UBA7: variants seen among roughly 807,000 people sequenced by gnomAD.
UBA7 encodes the protein ubiquitin like modifier activating enzyme 7.
In UBA7, 88 loss-of-function variants were observed where a neutral mutation model predicts 113.0. That is an observed-to-expected ratio of 0.78 (90% CI 0.66 to 0.93). The LOEUF is 0.93. Ranked by LOEUF, UBA7 falls within the 40% of genes least tolerant of loss-of-function variation. UBA7 has a pLI of 0.00. For synonymous variants in UBA7, 459 were observed against 513.0 expected, an observed-to-expected ratio of 0.89 and a Z score of 1.42; for missense variants, 1,092 against 1,266.4, an observed-to-expected ratio of 0.86 and a Z score of 2.09.
At position 49,810,966 on chromosome 3, in the gene UBA7, C is replaced by T. The variant is rs374270448; in HGVS notation, c.1230+18G>A. The T allele has an allele frequency of 1.2e-6, 2 of 1,613,580 alleles. No homozygotes were observed. Among genetic ancestry groups the T allele is most frequent in the African/African-American group, 2.7e-5 (2 of 74,916 alleles). On this transcript the variant is annotated intron_variant, in intron 10 of 23. Coordinates refer to ENST00000333486, the MANE Select transcript of UBA7 (RefSeq NM_003335.3). This position sits in a 1 kb window ranked among gnomAD's most constrained non-coding sequence, Gnocchi z 5.6. ...CCTGATTTTGGACAAGGCTTGCACCCCTATCCCAGGCTCTCACCAGGGCAC... is the reference window on the plus strand; with the variant it reads ...CCTGATTTTGGACAAGGCTTGCACCTCTATCCCAGGCTCTCACCAGGGCAC...
intron 21 of UBA7, among the ~76,000 whole-genome samples, chr3:49,806,871 G>A (rs760209629): frequency 9.9e-5 from 15 of 152,112 alleles, no homozygotes; most frequent in Non-Finnish European, 1.9e-4. Context: ...AAGGCAGCCT[G>A]TATGCTGGTT....
At chr3:49,809,252 C>T (rs1263430519) in intron 17 of UBA7, 93 bp from the exon 18 acceptor site, 1 of 1,539,444 alleles carries the variant, frequency 6.5e-7, no homozygotes, top group East Asian at 2.3e-5. Flanking sequence ...CTGCCTTTGC[C>T]TCACATGTAG....
At chr3:49,806,623 C>T (rs1300139631) in intron 21 of UBA7, among the ~76,000 whole-genome samples, 2 of 152,102 alleles carry the variant, frequency 1.3e-5, no homozygotes, top group African/African-American at 4.8e-5. Context: ...GCCCCACTGT[C>T]CCAGAGACCC....
intron 18 of UBA7, 103 bp from the exon 19 acceptor site, chr3:49,808,571 T>C (rs147771273): frequency 5.7e-6 from 7 of 1,219,632 alleles, no homozygotes; most frequent in Non-Finnish European, 8.1e-6. Context: ...TGTCACTTAC[T>C]ATTCCCTGAT....
intron 2 of UBA7, 48 bp from the exon 3 acceptor site, chr3:49,813,431 C>T (rs750753594): frequency 2.5e-6 from 4 of 1,608,636 alleles, no homozygotes; most frequent in South Asian, 1.1e-5. Context: ...CCTCTTGGGC[C>T]GTGCCCCCAC....
chr3:49,805,425 C>A lies in UBA7; in HGVS notation c.2922G>T (p.Leu974=). 1 of 1,604,366 alleles carries A rather than the reference C, an allele frequency of 6.2e-7. No homozygotes were observed. The highest frequency in any genetic ancestry group is 2.2e-5 in the East Asian group (1 of 44,766). Residue 974 remains leucine (L), a synonymous_variant, in exon 24 of 24, where the codon CTG becomes CTT. Transcript: ENST00000333486. ...GTGCCTGGCCTGTCAGCTGCTGAACCAGTTCTGTCACCCTGGTAGGGGTGG... is the reference window on the plus strand; with the variant it reads ...GTGCCTGGCCTGTCAGCTGCTGAACAAGTTCTGTCACCCTGGTAGGGGTGG... ...AQHLPLRVTE[L]VQQLTGQAPA...
At chr3:49,808,224 A>G (rs770559063) in intron 19 of UBA7, 112 bp from the exon 20 acceptor site, 1 of 1,522,008 alleles carries the variant, frequency 6.6e-7, no homozygotes, top group Non-Finnish European at 9.1e-7. Flanking sequence ...GTTGCCCCAC[A>G]TCTCCTCTTG....
At position 49,807,298 on chromosome 3, in the gene UBA7, C is replaced by A. The variant is rs2081469791; in HGVS notation, c.2715+438G>T. Among the ~76,000 whole-genome samples the A allele has an allele frequency of 6.6e-6, 1 of 152,180 alleles. No individual in the cohort carries two copies. Among genetic ancestry groups the A allele is most frequent in the Non-Finnish European group, 1.5e-5 (1 of 68,032 alleles). ...CACAAATACACTCAGGGCTGCAGAC[C>A]CCACACCTCTAGTGGCAAGCCTATT... On this transcript the variant is annotated intron_variant, in intron 21 of 23. Coordinates refer to ENST00000333486, the MANE Select transcript of UBA7 (RefSeq NM_003335.3). This position sits in a 1 kb window ranked among gnomAD's most constrained non-coding sequence, Gnocchi z 4.0.
intron 14 of UBA7, 34 bp from the exon 15 acceptor site, chr3:49,809,913 TGGA>T (rs1373562640): frequency 6.2e-7 from 1 of 1,613,898 alleles, no homozygotes; most frequent in East Asian, 2.2e-5. Context: ...AGGTATCAGG[TGGA>T]GAACAGGTCT....
Position 49,807,429 on chromosome 3 carries a change from C to T in UBA7, c.2715+307G>A, listed in dbSNP as rs1410748529. On this transcript the variant is annotated intron_variant, in intron 21 of 23. Transcript: ENST00000333486. This position sits in a 1 kb window ranked among gnomAD's most constrained non-coding sequence, Gnocchi z 4.0. ...GCCCTGGTCCCCTCCCCACTACCTA[C>T]CCCTCAGGGGTACTCCAAGGAAGGA... Among the ~76,000 whole-genome samples the T allele has an allele frequency of 6.6e-6, 1 of 152,202 alleles. No homozygotes were observed. The highest frequency in any genetic ancestry group is 2.4e-5 in the African/African-American group (1 of 41,442).
rs1293751017 is a variant in UBA7, at chr3:49,811,877, C to G, written c.932G>C (p.Trp311Ser). 6.2e-7 allele frequency: 1 copy of G among 1,613,440 alleles called. No homozygotes were observed. Residue 311 changes from tryptophan to serine, a missense_variant, in exon 8 of 24, where the codon TGG becomes TCG. Trp to Ser is a radical substitution (Grantham distance 177). Around this residue, in one of 3 missense-constraint regions of UBA7, gnomAD observed 584 missense variants for 714.5 expected, o/e 0.82. Coordinates refer to ENST00000333486, the MANE Select transcript of UBA7 (RefSeq NM_003335.3). ...QHLHGRPPQP[W>S]DPVDAETVVG... ...AGCAACAGGACTACTCACAGGATCC[C>G]AGGGCTGGGGTGGCCGGCCATGGAG... is the stretch of plus-strand genomic sequence containing the variant.
rs1249577391 is a variant in UBA7, at chr3:49,807,685, C to T, written c.2715+51G>A. ...AGATTGGGGCCTGTATGGGCAGGTGCAGGGGAAACCCAGGCCTAGTAGGGC... is the reference window on the plus strand; with the variant it reads ...AGATTGGGGCCTGTATGGGCAGGTGTAGGGGAAACCCAGGCCTAGTAGGGC... On this transcript the variant is annotated intron_variant, in intron 21 of 23. Transcript: ENST00000333486. This position sits in a 1 kb window ranked among gnomAD's most constrained non-coding sequence, Gnocchi z 4.0. 1.3e-6 allele frequency: 2 copies of T among 1,549,766 alleles called. No homozygotes were observed. The highest frequency in any genetic ancestry group is 1.8e-4 in the Middle Eastern group (1 of 5,602).
At position 49,805,911 on chromosome 3, in the gene UBA7, C is replaced by T. The variant is rs201955874; in HGVS notation, c.2895G>A (p.Gln965=). The T allele has an allele frequency of 5.8e-6, 9 of 1,554,528 alleles. No individual in the cohort carries two copies. Among genetic ancestry groups the T allele is most frequent in the Admixed American group, 3.9e-5 (2 of 51,476 alleles). ...AGTGGGCTCACCTGAGGGGCAGGTG[C>T]TGGGCCTGCTTTTCAGGTGACCATC... ...AAGWSPEKQA[Q]HLPLRVTELV... Residue 965 remains glutamine (Q), a synonymous_variant, in exon 23 of 24, where the codon CAG becomes CAA. Transcript: ENST00000333486.
chr3:49,805,832 G>A, intron 23 of UBA7, 65 bp downstream of exon 23: 2 of 1,437,186 alleles, frequency 1.4e-6, no homozygotes, highest in Non-Finnish European at 1.9e-6. Flanking sequence ...ACAAAAGGCA[G>A]TGTGGTCCCT....
Position 49,807,964 on chromosome 3 carries a change from G to A in UBA7, c.2524-37C>T, listed in dbSNP as rs377294431. ...AAGAGATTTGGTCTGGGCCCAAGGC[G>A]TAGGGCCAGGGTTTGCCCTCCACCT... On this transcript the variant is annotated intron_variant, in intron 20 of 23. Coordinates refer to ENST00000333486, the MANE Select transcript of UBA7 (RefSeq NM_003335.3). This position sits in a 1 kb window ranked among gnomAD's most constrained non-coding sequence, Gnocchi z 4.0. 85 of 1,613,824 alleles carry A rather than the reference G, an allele frequency of 5.3e-5. No individual in the cohort carries two copies. The highest frequency in any genetic ancestry group is 8.8e-5 in the South Asian group (8 of 91,076).
chr3:49,812,061 C>T (rs753353560), intron 7 of UBA7, 45 bp from the exon 8 acceptor site: 1 of 1,614,136 alleles, frequency 6.2e-7, no homozygotes, highest in Admixed American at 1.7e-5. Context: ...ATGCTATGGG[C>T]CCCTCAAGGC....
chr3:49,808,910 G>A (rs1010642247), intron 18 of UBA7, 66 bp downstream of exon 18: 6 of 1,552,594 alleles, frequency 3.9e-6, no homozygotes, highest in Non-Finnish European at 5.2e-6. Flanking sequence ...CTGCAGCACA[G>A]GCTGAGGACA....
In UBA7 at chr3:49,813,034, G is replaced by T. The variant is rs184606723; in HGVS notation, c.467+28C>A. The T allele has an allele frequency of 1.1e-5, 18 of 1,604,904 alleles. No homozygotes were observed. The Admixed American group carries it at 3.0e-4, about 27-fold the overall frequency. On this transcript the variant is annotated intron_variant, in intron 4 of 23. Transcript: ENST00000333486. Reference sequence around the variant, plus strand: ...TGAGGCCAGTTGCTGGCTGTAATATGGTAGGCTGGGCAGGCAGTCTTACTC... The same window carrying T: ...TGAGGCCAGTTGCTGGCTGTAATATTGTAGGCTGGGCAGGCAGTCTTACTC...
chr3:49,807,988 C>A lies in UBA7; in HGVS notation c.2523+32G>T. The A allele has an allele frequency of 6.2e-7, 1 of 1,614,100 alleles. No individual in the cohort carries two copies. On this transcript the variant is annotated intron_variant, in intron 20 of 23. Coordinates refer to ENST00000333486, the MANE Select transcript of UBA7 (RefSeq NM_003335.3). This position sits in a 1 kb window ranked among gnomAD's most constrained non-coding sequence, Gnocchi z 4.0. ...CGTAGGGCCAGGGTTTGCCCTCCAC[C>A]TCCAGGCCCAAGCCTCAAGGGGTGG...
Sources: gnomAD v4.1 joint callset for allele counts (sites outside exome capture counted in the v4.1 genomes callset) on GRCh38, gnomAD v4.1.1 for gene constraint, gnomAD v4.1.1 regional missense constraint, Gnocchi (gnomAD v3.1) non-coding constraint, MANE v1.5 for transcripts, NCBI Gene and HGNC (gene_info 2026-07-23, HGNC 2026-07-21) for gene names.